The following SYT12 variants were observed in gnomAD, a reference collection of about 807,000 sequenced individuals.
SYT12 encodes the protein synaptotagmin 12.
In SYT12, 27 loss-of-function variants were observed where a neutral mutation model predicts 39.5. The observed-to-expected ratio is 0.68, with a 90% CI of 0.50 to 0.94. The LOEUF (loss-of-function observed/expected upper bound fraction) is 0.94. SYT12 is among the 40% of genes least tolerant of loss of function. The pLI is 0.00. For missense variants in SYT12, 536 were observed against 572.6 expected, an observed-to-expected ratio of 0.94 and a Z score of 0.65; for synonymous variants, 233 against 239.7, an observed-to-expected ratio of 0.97 and a Z score of 0.26.
At chr11:67,030,681 T>A (rs890998780) in intron 2 of SYT12, 2 of 152,774 alleles carry the variant, frequency 1.3e-5, no homozygotes, top group Non-Finnish European at 2.9e-5. Flanking sequence ...AGACTCCGTC[T>A]CATCAGAAAA....
chr11:67,017,477 A>C (rs1950067522), intron 3 of SYT12, among the ~76,000 whole-genome samples: 1 of 151,408 alleles, frequency 6.6e-6, no homozygotes, highest in African/African-American at 2.4e-5. Context: ...CTTCTGTCTC[A>C]GCCTCCTGAG....
intron 1 of SYT12, among the ~76,000 whole-genome samples, chr11:67,024,997 C>A (rs1950162101): frequency 6.6e-6 from 1 of 152,190 alleles, no homozygotes; most frequent in Non-Finnish European, 1.5e-5. Flanking sequence ...TGGTCTGATT[C>A]CAGCAAAGCT....
chr11:67,011,066 A>G (rs372972284), intron 3 of SYT12: 85 of 152,302 alleles, frequency 5.6e-4, no homozygotes, highest in African/African-American at 2.0e-3. Context: ...TGCACGGTCA[A>G]TATTAACTTT....
At chr11:67,036,962 AC>A (rs1317272711) in intron 3 of SYT12, among the ~76,000 whole-genome samples, 3 of 152,130 alleles carry the variant, frequency 2.0e-5, no homozygotes, top group Non-Finnish European at 4.4e-5. Flanking sequence ...AATCCCAGCT[AC>A]TCGGGAAGCT....
chr11:67,021,901 C>T (rs1950113424), upstream of SYT12: 1 of 152,042 alleles, frequency 6.6e-6, no homozygotes, highest in South Asian at 2.1e-4. Flanking sequence ...AAAAGCGCCC[C>T]CTGTGGGTGA....
At chr11:67,012,324 T>C (rs1008684051) in intron 3 of SYT12, among the ~76,000 whole-genome samples, 2 of 151,982 alleles carry the variant, frequency 1.3e-5, no homozygotes, top group African/African-American at 4.8e-5. Context: ...TGAGCTGAGA[T>C]TGCACCACTG....
chr11:67,048,540 C>CT, intron 7 of SYT12, 44 bp from the exon 8 acceptor site: 1 of 1,576,538 alleles, frequency 6.3e-7, no homozygotes, highest in Non-Finnish European at 8.7e-7. Flanking sequence ...AGAAGTACCT[C>CT]TGACTGCCCC....
chr11:67,040,412 G>A (rs145739078), intron 4 of SYT12, among the ~76,000 whole-genome samples: 113 of 152,286 alleles, frequency 7.4e-4, no homozygotes, highest in Non-Finnish European at 1.4e-3. Context: ...CCCATTGTGT[G>A]GAGTTCTTAG....
chr11:67,045,403 T>C (rs942727749), intron 6 of SYT12, among the ~76,000 whole-genome samples: 6 of 152,066 alleles, frequency 3.9e-5, no homozygotes, highest in Admixed American at 3.3e-4. Context: ...GGCTCTGCTG[T>C]GCGGGTGCCC....
At chr11:67,027,460 A>G (rs2136206628) in intron 1 of SYT12, 1 of 142,900 alleles carries the variant, frequency 7.0e-6, no homozygotes, top group Non-Finnish European at 1.5e-5. Flanking sequence ...AGATCGCGCC[A>G]TTGCATTCAA....
At chr11:67,024,810 T>C (rs1454691507) in intron 1 of SYT12, among the ~76,000 whole-genome samples, 3 of 152,166 alleles carry the variant, frequency 2.0e-5, no homozygotes, top group African/African-American at 7.2e-5. Flanking sequence ...GATGAGGCTC[T>C]CCTGGGCCCA....
At position 67,040,009 on chromosome 11, in the gene SYT12, G is replaced by A. The variant is rs747901921; in HGVS notation, c.427G>A (p.Val143Met). 18 of 1,613,890 alleles carry A rather than the reference G, an allele frequency of 1.1e-5. No individual in the cohort carries two copies. Among genetic ancestry groups the A allele is most frequent in the South Asian group, 5.5e-5 (5 of 91,084 alleles). Residue 143 changes from valine (V) to methionine (M), a missense_variant, in exon 4 of 8, where the codon GTG becomes ATG. Transcript: ENST00000527043. The stretch of plus-strand genomic sequence containing the variant: ...CGACTCCCTGAACTCCATCTCCTCC[G>A]TGAGCAACACCTTTGGGCAGGACTT... ...SADSLNSISS[V>M]SNTFGQDFTL...
chr11:67,036,874 G>A (rs1950391515), intron 3 of SYT12, among the ~76,000 whole-genome samples: 1 of 152,168 alleles, frequency 6.6e-6, no homozygotes, highest in Non-Finnish European at 1.5e-5. Flanking sequence ...GTGAGTTTGA[G>A]ACCAGCCTGC....
intron 1 of SYT12, among the ~76,000 whole-genome samples, chr11:67,024,129 G>A (rs1290420518): frequency 1.3e-5 from 2 of 152,150 alleles, no homozygotes; most frequent in East Asian, 1.9e-4. Flanking sequence ...TGGGTGGAAG[G>A]CCCTGAGCTG....
chr11:67,049,653 G>C lies in SYT12; in HGVS notation c.*896G>C, dbSNP rs1035750398. On this transcript the variant is annotated 3_prime_UTR_variant, in exon 8 of 8. Coordinates refer to ENST00000527043, the MANE Select transcript of SYT12 (RefSeq NM_177963.4). ...GCAGGTCTCAGCCTGGGGGTGGCAG[G>C]GGTGGGGCAGAGAGAATACTGACAG... The C allele has an allele frequency of 2.6e-5, 4 of 152,470 alleles. No individual in the cohort carries two copies. The highest frequency in any genetic ancestry group is 9.7e-5 in the African/African-American group (4 of 41,440). The allele number at this position is 152,470 out of a possible 1,614,324, so 9.4% of individuals were successfully genotyped here.
chr11:67,013,623 T>C (rs1950030756), intron 3 of SYT12, among the ~76,000 whole-genome samples: 1 of 152,188 alleles, frequency 6.6e-6, no homozygotes, highest in Admixed American at 6.5e-5. Context: ...GTTACCTTGT[T>C]ACTGAATGGA....
chr11:67,036,715 C>A (rs1318402503), intron 3 of SYT12, among the ~76,000 whole-genome samples: 2 of 152,116 alleles, frequency 1.3e-5, no homozygotes, highest in East Asian at 3.9e-4. Flanking sequence ...GCGGGCAGAT[C>A]TCTTGAGGTC....
chr11:67,010,797 A>G (rs1950008193), intron 2 of SYT12: 1 of 152,184 alleles, frequency 6.6e-6, no homozygotes, highest in Non-Finnish European at 1.5e-5. Flanking sequence ...GATGGTGCCC[A>G]CACCTTTTTT....
At chr11:67,033,145 C>T (rs1490555954) in intron 2 of SYT12, among the ~76,000 whole-genome samples, 1 of 150,558 alleles carries the variant, frequency 6.6e-6, no homozygotes, top group African/African-American at 2.4e-5. Flanking sequence ...CGGGTCCCCT[C>T]CCTCCCTCCC....
Sources: allele counts gnomAD v4.1 joint callset (sites outside exome capture counted in the v4.1 genomes callset), GRCh38; gene constraint gnomAD v4.1.1; transcripts MANE v1.5; gene names NCBI Gene and HGNC (gene_info 2026-07-23, HGNC 2026-07-21).